Variants in GRM8 observed in about 807,000 individuals in gnomAD.
The protein encoded by GRM8 is metabotropic glutamate receptor 8.
In GRM8, 47 loss-of-function variants were observed where a neutral mutation model predicts 87.2. That is an observed-to-expected ratio of 0.54 (90% CI 0.43 to 0.69). GRM8 has a LOEUF of 0.69. Among genes scored for constraint, GRM8 ranks in the 30% least tolerant of loss-of-function variants. The pLI is 0.00. For missense variants in GRM8, 1,019 were observed against 1,139.2 expected (o/e 0.89, Z 1.52); for synonymous variants, 396 against 404.5 (o/e 0.98, Z 0.25).
At chr7:127,057,085 G>A (rs1820071462) in intron 3 of GRM8, among the ~76,000 whole-genome samples, 1 of 152,134 alleles carries the variant, frequency 6.6e-6, no homozygotes, top group Non-Finnish European at 1.5e-5. Flanking sequence ...TCACCCTAAT[G>A]TGGATTGTAA....
At chr7:127,003,098 A>G (rs1019785029) in intron 3 of GRM8, among the ~76,000 whole-genome samples, 2 of 151,666 alleles carry the variant, frequency 1.3e-5, no homozygotes, top group Non-Finnish European at 3.0e-5. Flanking sequence ...GTTAGGTGGG[A>G]GTGAGTTGAC....
In GRM8 at chr7:127,041,810, T is replaced by G. The variant is rs190108887; in HGVS notation, c.727+64686A>C. ...AAATGAACGATGGAAACTAGCTTAG[T>G]GCTGGTTGGCTGGCACAGCTGAGTT... On this transcript the variant is annotated intron_variant, in intron 3 of 10. Transcript: ENST00000339582. Among the ~76,000 whole-genome samples, 5 of 152,290 alleles carry G rather than the reference T, an allele frequency of 3.3e-5. No homozygotes were observed. The East Asian group carries it at 9.7e-4, about 29-fold the overall frequency.
chr7:127,151,072 T>C (rs969571605), intron 2 of GRM8, among the ~76,000 whole-genome samples: 1 of 152,004 alleles, frequency 6.6e-6, no homozygotes, highest in Non-Finnish European at 1.5e-5. Context: ...GGGAACAACA[T>C]ATGCTGGCAT....
intron 7 of GRM8, among the ~76,000 whole-genome samples, chr7:126,675,270 A>G (rs1037759677): frequency 1.2e-4 from 19 of 152,132 alleles, no homozygotes; most frequent in Admixed American, 1.0e-3. Context: ...CTACAAAACA[A>G]AAACCAAAAT....
At chr7:127,247,529 C>G (rs1798640518) in intron 1 of GRM8, among the ~76,000 whole-genome samples, 1 of 152,002 alleles carries the variant, frequency 6.6e-6, no homozygotes, top group African/African-American at 2.4e-5. Context: ...TTTGAAAATG[C>G]ATCGTATTTC....
intron 2 of GRM8, among the ~76,000 whole-genome samples, chr7:127,171,928 G>A (rs937576990): frequency 7.9e-5 from 12 of 151,990 alleles, no homozygotes; most frequent in Non-Finnish European, 1.8e-4. Context: ...GTGAAGGTTT[G>A]GGAATCATTC....
At chr7:126,841,345 G>T (rs1414589319) in intron 6 of GRM8, among the ~76,000 whole-genome samples, 2 of 152,134 alleles carry the variant, frequency 1.3e-5, no homozygotes, top group African/African-American at 4.8e-5. Context: ...TGCAGTCTTG[G>T]TGGTAATGGC....
intron 3 of GRM8, among the ~76,000 whole-genome samples, chr7:126,930,314 G>A (rs1563327076): frequency 6.6e-6 from 1 of 152,190 alleles, no homozygotes; most frequent in African/African-American, 2.4e-5. Flanking sequence ...GCTGACATGA[G>A]CTATATGAGC....
chr7:126,999,239 TC>T (rs1385053881), intron 3 of GRM8, among the ~76,000 whole-genome samples: 1 of 151,732 alleles, frequency 6.6e-6, no homozygotes, highest in African/African-American at 2.4e-5. Context: ...AAAAATCAAA[TC>T]AAAAGGGATT....
intron 9 of GRM8, among the ~76,000 whole-genome samples, chr7:126,493,143 C>T (rs1481468827): frequency 2.0e-5 from 3 of 151,934 alleles, no homozygotes; most frequent in Non-Finnish European, 4.4e-5. Flanking sequence ...CTATGGAATC[C>T]CCTTTCCCTT....
At chr7:127,060,603 T>A (rs1021578500) in intron 3 of GRM8, among the ~76,000 whole-genome samples, 3 of 152,136 alleles carry the variant, frequency 2.0e-5, no homozygotes, top group Non-Finnish European at 4.4e-5. Context: ...AGGAACCCAA[T>A]GATATATAAC....
rs1301785167 is a variant in GRM8, at chr7:126,708,430, G to A, written c.1357+61435C>T. On this transcript the variant is annotated intron_variant, in intron 7 of 10. Transcript: ENST00000339582. ...ATTAAATAGATATCTGCACTGTCAT[G>A]TTCATTGCAGCATTATTCACAATAG... Among the ~76,000 whole-genome samples the A allele has an allele frequency of 4.6e-5, 7 of 151,938 alleles. No individual in the cohort carries two copies. In the South Asian group the frequency reaches 1.0e-3, roughly 22 times the overall value.
intron 8 of GRM8, among the ~76,000 whole-genome samples, chr7:126,550,107 T>C (rs1259725113): frequency 1.3e-5 from 2 of 150,388 alleles, no homozygotes; most frequent in African/African-American, 2.5e-5. Flanking sequence ...AAATGTTTTT[T>C]GTTTTTTTGT....
At chr7:126,775,343 T>C (rs146064490) in intron 6 of GRM8, among the ~76,000 whole-genome samples, 41 of 152,244 alleles carry the variant, frequency 2.7e-4, no homozygotes, top group Non-Finnish European at 5.4e-4. Context: ...AAGACTGTCA[T>C]GCTTTACATT....
chr7:126,739,342 C>T (rs910126698), intron 7 of GRM8, among the ~76,000 whole-genome samples: 1 of 151,820 alleles, frequency 6.6e-6, no homozygotes, highest in African/African-American at 2.4e-5. Context: ...AGAACAGGAG[C>T]AGTAGCTGGG....
chr7:126,551,988 T>A (rs1021408315), intron 8 of GRM8, among the ~76,000 whole-genome samples: 4 of 152,138 alleles, frequency 2.6e-5, no homozygotes, highest in Non-Finnish European at 5.9e-5. Flanking sequence ...AAAATGCCCA[T>A]ATGAAAATTA....
intron 6 of GRM8, among the ~76,000 whole-genome samples, chr7:126,900,178 TG>T (rs1180101273): frequency 1.3e-5 from 2 of 152,228 alleles, no homozygotes; most frequent in Non-Finnish European, 2.9e-5. Context: ...GTGAACTGTC[TG>T]TGGGGTCCCA....
At chr7:126,832,267 A>G (rs1795464754) in intron 6 of GRM8, among the ~76,000 whole-genome samples, 1 of 152,150 alleles carries the variant, frequency 6.6e-6, no homozygotes, top group African/African-American at 2.4e-5. Flanking sequence ...GTGATCTAGA[A>G]TGACAATAGT....
intron 2 of GRM8, among the ~76,000 whole-genome samples, chr7:127,233,505 GA>G (rs373368666): frequency 1.6e-4 from 25 of 152,208 alleles, no homozygotes; most frequent in African/African-American, 6.0e-4. Context: ...ACAACATAAA[GA>G]AATAGTACAA....
Sources: gnomAD v4.1 joint callset for allele counts (sites outside exome capture counted in the v4.1 genomes callset) on GRCh38, gnomAD v4.1.1 for gene constraint, MANE v1.5 for transcripts, NCBI Gene and HGNC (gene_info 2026-07-23, HGNC 2026-07-21) for gene names.